The following HCAR1 variants were observed in gnomAD, a reference collection of about 807,000 sequenced individuals.
HCAR1 encodes the protein hydroxycarboxylic acid receptor 1, also known as G protein-coupled receptor 104.
For synonymous variants in HCAR1, 183 were observed against 182.1 expected (o/e 1.01, Z -0.04); for missense variants, 445 against 448.7 (o/e 0.99, Z 0.07).
Position 122,729,469 on chromosome 12 carries a change from T to C in HCAR1, c.871A>G (p.Lys291Glu). The C allele has an allele frequency of 6.2e-7, 1 of 1,614,084 alleles. No homozygotes were observed. Among genetic ancestry groups the C allele is most frequent in the Non-Finnish European group, 8.5e-7 (1 of 1,180,022 alleles). ...SSPSFPKFYN[K>E]LKICSLKPKQ... The stretch of plus-strand genomic sequence containing the variant: ...GGTTTCAGACTGCAGATTTTGAGCT[T>C]GTTGTAGAATTTGGGAAAGGAGGGG... Residue 291 changes from lysine to glutamate, a missense_variant, in exon 1 of 1, where the codon AAG (lysine) becomes GAG (glutamate). Physicochemically the swap from Lys to Glu is moderately conservative, Grantham distance 56. Coordinates refer to ENST00000432564, the MANE Select transcript of HCAR1 (RefSeq NM_032554.4).
chr12:122,729,294 C>T lies in HCAR1; in HGVS notation c.*5G>A, dbSNP rs563098883. The T allele has an allele frequency of 1.9e-5, 31 of 1,610,762 alleles. No homozygotes were observed. In the South Asian group the frequency reaches 2.9e-4, roughly 15 times the overall value. On this transcript the variant is annotated 3_prime_UTR_variant, in exon 1 of 1. Coordinates refer to ENST00000432564, the MANE Select transcript of HCAR1 (RefSeq NM_032554.4). Reference sequence around the variant, plus strand: ...TATCTTCCTCAGTGTTGTTGGTCTGCTTGTTCAGTGCCACTCAACAATGTG... The same window carrying T: ...TATCTTCCTCAGTGTTGTTGGTCTGTTTGTTCAGTGCCACTCAACAATGTG...
In HCAR1 at chr12:122,729,941, A is replaced by G. The variant is rs1240836405; in HGVS notation, c.399T>C (p.Ala133=). Residue 133 remains alanine, a synonymous_variant, in exon 1 of 1, where the codon GCT becomes GCC. Coordinates refer to ENST00000432564, the MANE Select transcript of HCAR1 (RefSeq NM_032554.4). The part of the protein sequence containing the change: ...AVNTISTRVA[A]GIVCTLWALV... ...GGGCCCACAGGGTGCAGACGATGCCAGCCGCCACCCGGGTGGAGATAGTGT... is the reference window on the plus strand; with the variant it reads ...GGGCCCACAGGGTGCAGACGATGCCGGCCGCCACCCGGGTGGAGATAGTGT... 4.3e-6 allele frequency: 7 copies of G among 1,612,976 alleles called. No individual in the cohort carries two copies. In the African/African-American group the frequency reaches 9.3e-5, roughly 22 times the overall value.
Position 122,729,213 on chromosome 12 carries a change from G to T in HCAR1, c.*86C>A. 2 of 1,202,114 alleles carry T rather than the reference G, an allele frequency of 1.7e-6. No homozygotes were observed. The highest frequency in any genetic ancestry group is 2.4e-6 in the Non-Finnish European group (2 of 841,434). 74.5% of individuals were successfully genotyped at this position (1,202,114 alleles called of 1,614,324 possible). ...AGCCGTCTTGCAATAAGAAAGGGGG[G>T]TGGCATTTTCAAAGCCCCCGACCCC... is the stretch of plus-strand genomic sequence containing the variant. On this transcript the variant is annotated 3_prime_UTR_variant, in exon 1 of 1. Coordinates refer to ENST00000432564, the MANE Select transcript of HCAR1 (RefSeq NM_032554.4).
In HCAR1 at chr12:122,730,432, T is replaced by A; in HGVS notation, c.-93A>T. The A allele has an allele frequency of 9.9e-7, 1 of 1,005,736 alleles. No individual in the cohort carries two copies. Among genetic ancestry groups the A allele is most frequent in the Non-Finnish European group, 1.4e-6 (1 of 700,798 alleles). The allele number at this position is 1,005,736 out of a possible 1,614,324, so 62.3% of individuals were successfully genotyped here. On this transcript the variant is annotated 5_prime_UTR_variant, in exon 1 of 1. Transcript: ENST00000432564. ...ATCTGAGCGTTAGCACTCACCCAGC[T>A]GCTGCGTGTCTGACTTCATCACCCA...
chr12:122,729,910 T>C lies in HCAR1; in HGVS notation c.430A>G (p.Ile144Val), dbSNP rs1877895229. ...AGCAAAAGATACACTGTTCCCAGGA[T>C]GACCAGGGCCCACAGGGTGCAGACG... ...GIVCTLWALV[I>V]LGTVYLLLEN... The change falls in exon 1 of 1, where the codon ATC becomes GTC. Residue 144 changes from isoleucine to valine, a missense_variant. Transcript: ENST00000432564. 2 of 1,612,278 alleles carry C rather than the reference T, an allele frequency of 1.2e-6. No individual in the cohort carries two copies. The highest frequency in any genetic ancestry group is 1.3e-5 in the African/African-American group (1 of 74,868).
At position 122,729,925 on chromosome 12, in the gene HCAR1, G is replaced by T; in HGVS notation, c.415C>A (p.Leu139Met). The T allele has an allele frequency of 1.2e-6, 2 of 1,612,804 alleles. No homozygotes were observed. The highest frequency in any genetic ancestry group is 2.2e-5 in the South Asian group (2 of 91,070). Residue 139 changes from leucine to methionine, a missense_variant, in exon 1 of 1, where the codon CTG (leucine) becomes ATG (methionine). Transcript: ENST00000432564. ...TRVAAGIVCT[L>M]WALVILGTVY... is the part of the protein sequence containing the mutation. ...GTTCCCAGGATGACCAGGGCCCACA[G>T]GGTGCAGACGATGCCAGCCGCCACC...
At position 122,727,846 on chromosome 12, in the gene HCAR1, CACCACTTTG is replaced by C. The variant is rs1321196358; in HGVS notation, c.*1444_*1452del. The C allele has an allele frequency of 6.6e-6, 1 of 152,186 alleles. No individual in the cohort carries two copies. The highest frequency in any genetic ancestry group is 1.9e-4 in the East Asian group (1 of 5,194). 9.4% of individuals were successfully genotyped at this position (152,186 alleles called of 1,614,324 possible). Reference sequence around the variant, plus strand: ...AAATTAAGGAGTTGAGAACCATGTTCACCACTTTGTAGCTTGAGAAAGGAGCTAGAGTTG... The same window carrying C: ...AAATTAAGGAGTTGAGAACCATGTTCTAGCTTGAGAAAGGAGCTAGAGTTG... On this transcript the variant is annotated 3_prime_UTR_variant, in exon 1 of 1. Coordinates refer to ENST00000432564, the MANE Select transcript of HCAR1 (RefSeq NM_032554.4).
chr12:122,730,029 A>T lies in HCAR1; in HGVS notation c.311T>A (p.Val104Glu). The change falls in exon 1 of 1, where the codon GTG becomes GAG. Residue 104 changes from valine to glutamate, a missense_variant. Transcript: ENST00000432564. Reference protein sequence around the residue: ...TLAMNRAGSIVFLTVVAADRY... With the variant: ...TLAMNRAGSIEFLTVVAADRY... ...GTCCGCAGCCACCACCGTAAGGAAC[A>T]CGATGCTCCCGGCCCTGTTCATGGC... 1.9e-6 allele frequency: 3 copies of T among 1,614,158 alleles called. No individual in the cohort carries two copies. The South Asian group carries it at 3.3e-5, about 18-fold the overall frequency.
Position 122,730,328 on chromosome 12 carries a change from C to A in HCAR1, c.12G>T (p.Gly4=). Reference sequence around the variant, plus strand: ...TGTCCCCCTCGATGCGGCAGCACGACCCGTTGTACATGGCGGGGACAGAGC... The same window carrying A: ...TGTCCCCCTCGATGCGGCAGCACGAACCGTTGTACATGGCGGGGACAGAGC... MYN[G]SCCRIEGDTI... Residue 4 remains glycine (G), a synonymous_variant, in exon 1 of 1, where the codon GGG becomes GGT. Coordinates refer to ENST00000432564, the MANE Select transcript of HCAR1 (RefSeq NM_032554.4). 6.3e-7 allele frequency: 1 copy of A among 1,579,108 alleles called. No individual in the cohort carries two copies. The highest frequency in any genetic ancestry group is 8.6e-7 in the Non-Finnish European group (1 of 1,159,782).
chr12:122,729,755 G>A lies in HCAR1; in HGVS notation c.585C>T (p.Cys195=). The part of the protein sequence containing the change: ...FFMPLGIILF[C]SFKIVWSLRR... The stretch of plus-strand genomic sequence containing the variant: ...TCAGGCTCCAAACAATCTTGAAGGA[G>A]CAAAATAAGATGATGCCGAGGGGCA... The change falls in exon 1 of 1, where the codon TGC becomes TGT. Residue 195 remains cysteine, a synonymous_variant. Coordinates refer to ENST00000432564, the MANE Select transcript of HCAR1 (RefSeq NM_032554.4). 1 of 1,612,812 alleles carries A rather than the reference G, an allele frequency of 6.2e-7. No homozygotes were observed. Among genetic ancestry groups the A allele is most frequent in the Non-Finnish European group, 8.5e-7 (1 of 1,180,024 alleles).
rs1257961764 is a variant in HCAR1 at position 122,726,926 on chromosome 12, A to ATATATATATAT, written c.*2372_*2373insATATATATATA. 3.6e-5 allele frequency: 4 copies of ATATATATATAT among 111,120 alleles called. No homozygotes were observed. The highest frequency in any genetic ancestry group is 1.4e-4 in the African/African-American group (4 of 28,418). 6.9% of individuals were successfully genotyped at this position (111,120 alleles called of 1,614,324 possible). On this transcript the variant is annotated 3_prime_UTR_variant, in exon 1 of 1. Coordinates refer to ENST00000432564, the MANE Select transcript of HCAR1 (RefSeq NM_032554.4). Reference sequence around the variant, plus strand: ...AGACTCTGTCTCAAAAAAAAAAAAAAAAATATATATATATATAGATAGATA... The same window carrying ATATATATATAT: ...AGACTCTGTCTCAAAAAAAAAAAAAATATATATATATAAATATATATATATATAGATAGATA...
rs1409462571 is a variant in HCAR1 at position 122,730,176 on chromosome 12, A to G, written c.164T>C (p.Phe55Ser). ...KTWKPSTVYL[F>S]NLAVADFLLM... The stretch of plus-strand genomic sequence containing the variant: ...GAGGAAATCAGCCACGGCCAAATTG[A>G]AAAGGTAAACAGTGCTGGGCTTCCA... Residue 55 changes from phenylalanine to serine, a missense_variant, in exon 1 of 1, where the codon TTC becomes TCC. Physicochemically the swap from Phe to Ser is radical, Grantham distance 155 (BLOSUM62 -2). Coordinates refer to ENST00000432564, the MANE Select transcript of HCAR1 (RefSeq NM_032554.4). 6.2e-7 allele frequency: 1 copy of G among 1,614,188 alleles called. No individual in the cohort carries two copies. Among genetic ancestry groups the G allele is most frequent in the African/African-American group, 1.3e-5 (1 of 75,056 alleles).
Position 122,728,411 on chromosome 12 carries a change from C to G in HCAR1, c.*888G>C, listed in dbSNP as rs553098247. The stretch of plus-strand genomic sequence containing the variant: ...ACCAGGAAGTCACAATGATGACAGA[C>G]GTACAGATGTACATTTGGACAAAAT... On this transcript the variant is annotated 3_prime_UTR_variant, in exon 1 of 1. Transcript: ENST00000432564. The G allele has an allele frequency of 6.6e-6, 1 of 152,148 alleles. No individual in the cohort carries two copies. The highest frequency in any genetic ancestry group is 1.5e-5 in the Non-Finnish European group (1 of 68,022). 9.4% of individuals were successfully genotyped at this position (152,148 alleles called of 1,614,324 possible).
Position 122,729,527 on chromosome 12 carries a change from G to A in HCAR1, c.813C>T (p.Ser271=). Residue 271 remains serine (S), a synonymous_variant, in exon 1 of 1, where the codon AGC becomes AGT. Transcript: ENST00000432564. ...AATAATACACCAGGGGATCCAGCAT[G>A]CTGTTCATGTAGGTGAAGCTGAGGG... is the stretch of plus-strand genomic sequence containing the variant. ...HITLSFTYMN[S]MLDPLVYYFS... 1 of 1,614,104 alleles carries A rather than the reference G, an allele frequency of 6.2e-7. No homozygotes were observed. The highest frequency in any genetic ancestry group is 1.3e-5 in the African/African-American group (1 of 75,016).
rs1877827106 is a variant in HCAR1, at chr12:122,727,600, T to G, written c.*1699A>C. On this transcript the variant is annotated 3_prime_UTR_variant, in exon 1 of 1. Transcript: ENST00000432564. ...CTCCTGCCTCAGCCTCCCGAATAGCTGGGATTATAGGCATGCGCCACCACA... is the reference window on the plus strand; with the variant it reads ...CTCCTGCCTCAGCCTCCCGAATAGCGGGGATTATAGGCATGCGCCACCACA... 6.6e-6 allele frequency: 1 copy of G among 152,204 alleles called. No homozygotes were observed. Among genetic ancestry groups the G allele is most frequent in the Admixed American group, 6.6e-5 (1 of 15,260 alleles). 9.4% of individuals were successfully genotyped at this position (152,204 alleles called of 1,614,324 possible).
Position 122,730,210 on chromosome 12 carries a change from T to C in HCAR1, c.130A>G (p.Met44Val), listed in dbSNP as rs771878435. ...GVALCGFCFHMKTWKPSTVYL... is the reference protein window; with the variant it reads ...GVALCGFCFHVKTWKPSTVYL... ...ACAGTGCTGGGCTTCCAGGTCTTCATGTGGAAGCAGAAACCACACAGGGCG... is the reference window on the plus strand; with the variant it reads ...ACAGTGCTGGGCTTCCAGGTCTTCACGTGGAAGCAGAAACCACACAGGGCG... Residue 44 changes from methionine (M) to valine (V), a missense_variant, in exon 1 of 1, where the codon ATG becomes GTG. Met to Val is a conservative substitution (Grantham distance 21, BLOSUM62 1). Coordinates refer to ENST00000432564, the MANE Select transcript of HCAR1 (RefSeq NM_032554.4). The C allele has an allele frequency of 3.1e-6, 5 of 1,614,046 alleles. No individual in the cohort carries two copies. In the East Asian group the frequency reaches 1.1e-4, roughly 36 times the overall value.
Position 122,729,740 on chromosome 12 carries a change from A to T in HCAR1, c.600T>A (p.Val200=). The change falls in exon 1 of 1, where the codon GTT becomes GTA. Residue 200 remains valine, a synonymous_variant. Transcript: ENST00000432564. ...GIILFCSFKI[V]WSLRRRQQLA... The stretch of plus-strand genomic sequence containing the variant: ...GCTGCTGCCTCCGCCTCAGGCTCCA[A>T]ACAATCTTGAAGGAGCAAAATAAGA... The T allele has an allele frequency of 1.2e-6, 2 of 1,613,300 alleles. No homozygotes were observed. Among genetic ancestry groups the T allele is most frequent in the Non-Finnish European group, 1.7e-6 (2 of 1,180,014 alleles).
At position 122,730,605 on chromosome 12, in the gene HCAR1, G is replaced by A. The variant is rs564273788; in HGVS notation, c.-266C>T. ...TCTGGGAGAGGCCAAGCCTGGAGCCGGATGAAGCTTGGAAATGCATGCAAT... is the reference window on the plus strand; with the variant it reads ...TCTGGGAGAGGCCAAGCCTGGAGCCAGATGAAGCTTGGAAATGCATGCAAT... On this transcript the variant is annotated 5_prime_UTR_variant, in exon 1 of 1. Coordinates refer to ENST00000432564, the MANE Select transcript of HCAR1 (RefSeq NM_032554.4). The A allele has an allele frequency of 7.5e-6, 3 of 398,506 alleles. No individual in the cohort carries two copies. Among genetic ancestry groups the A allele is most frequent in the Admixed American group, 4.2e-5 (1 of 23,640 alleles). The allele number at this position is 398,506 out of a possible 1,614,324, so 24.7% of individuals were successfully genotyped here.
rs1004500399 is a variant in HCAR1 at position 122,730,419 on chromosome 12, G to C, written c.-80C>G. 5.9e-5 allele frequency: 67 copies of C among 1,137,962 alleles called. No individual in the cohort carries two copies. The highest frequency in any genetic ancestry group is 5.4e-5 in the Non-Finnish European group (44 of 815,080). The allele number at this position is 1,137,962 out of a possible 1,614,324, so 70.5% of individuals were successfully genotyped here. On this transcript the variant is annotated 5_prime_UTR_variant, in exon 1 of 1. Transcript: ENST00000432564. ...GGCACAGATGCTTATCTGAGCGTTA[G>C]CACTCACCCAGCTGCTGCGTGTCTG... is the stretch of plus-strand genomic sequence containing the variant.
Sources: gnomAD v4.1 joint callset for allele counts on GRCh38, gnomAD v4.1.1 for gene constraint, MANE v1.5 for transcripts, NCBI Gene and HGNC (gene_info 2026-07-23, HGNC 2026-07-21) for gene names.